The following GPHN variants were observed in gnomAD, a reference collection of about 807,000 sequenced individuals.
The protein encoded by GPHN is gephyrin.
A neutral mutation model predicts 95.5 loss-of-function variants in GPHN; 17 were observed. That is an observed-to-expected ratio of 0.18 (90% CI 0.12 to 0.27). GPHN has a LOEUF of 0.27. Ranked by LOEUF, GPHN falls within the 10% of genes least tolerant of loss-of-function variation. GPHN has a pLI of 1.00. For missense variants in GPHN, 660 were observed against 978.1 expected, an observed-to-expected ratio of 0.67 and a Z score of 4.34; for synonymous variants, 320 against 322.5, an observed-to-expected ratio of 0.99 and a Z score of 0.08.
chr14:67,221,033 G>T, the GPHN span, among the ~76,000 whole-genome samples: 160 of 152,202 alleles, frequency 1.1e-3, no homozygotes, highest in African/African-American at 3.6e-3. Flanking sequence ...ATAAGAATTT[G>T]GTGAAAATTA....
At chr14:66,608,882 T>C (rs1055281340) in intron 1 of GPHN, among the ~76,000 whole-genome samples, 1 of 152,172 alleles carries the variant, frequency 6.6e-6, no homozygotes, top group Admixed American at 6.5e-5. Context: ...TATTGTTACA[T>C]GTGAGATGCA....
the GPHN span, chr14:67,333,903 G>A: frequency 6.6e-6 from 1 of 152,586 alleles, no homozygotes; most frequent in Non-Finnish European, 1.5e-5. Flanking sequence ...TTATGTATGA[G>A]CACAGTATCC....
At chr14:67,192,982 ATC>A in the GPHN span, among the ~76,000 whole-genome samples, 58 of 146,062 alleles carry the variant, frequency 4.0e-4, no homozygotes, top group Non-Finnish European at 7.2e-4. Context: ...CTAGATATAG[ATC>A]TCTCTATATA....
intron 4 of GPHN, among the ~76,000 whole-genome samples, chr14:66,840,858 G>A (rs925057677): frequency 3.3e-5 from 5 of 150,856 alleles, no homozygotes; most frequent in African/African-American, 1.2e-4. Context: ...TAATCTTAAA[G>A]CTCATAGTAT....
At chr14:67,021,222 T>G (rs1050238389) in intron 9 of GPHN, among the ~76,000 whole-genome samples, 28 of 152,160 alleles carry the variant, frequency 1.8e-4, no homozygotes, top group African/African-American at 6.0e-4. Context: ...TTGATTGATT[T>G]ATACACACAC....
chr14:66,716,445 T>C (rs1428511552), intron 2 of GPHN, among the ~76,000 whole-genome samples: 1 of 127,090 alleles, frequency 7.9e-6, no homozygotes, highest in Non-Finnish European at 1.5e-5. Context: ...TCTTATCCAT[T>C]CTGCAGTTCT....
intron 1 of GPHN, among the ~76,000 whole-genome samples, chr14:66,571,458 C>A (rs991796111): frequency 6.6e-6 from 1 of 152,070 alleles, no homozygotes; most frequent in Non-Finnish European, 1.5e-5. Context: ...CTCTGTTGAT[C>A]ATGTACCTTG....
intron 8 of GPHN, among the ~76,000 whole-genome samples, chr14:66,954,049 AAAAGG>A (rs1325841444): frequency 6.6e-6 from 1 of 152,070 alleles, no homozygotes; most frequent in African/African-American, 2.4e-5. Flanking sequence ...AAAAAAAAAA[AAAAGG>A]AAGAAAGCAG....
chr14:67,710,431 T>C, the GPHN span, among the ~76,000 whole-genome samples: 1 of 152,226 alleles, frequency 6.6e-6, no homozygotes, highest in East Asian at 1.9e-4. Flanking sequence ...TAAATCCGCT[T>C]ATTGTGACTT....
intron 1 of GPHN, among the ~76,000 whole-genome samples, chr14:66,639,848 T>A (rs1361991464): frequency 6.6e-6 from 1 of 152,164 alleles, no homozygotes; most frequent in Non-Finnish European, 1.5e-5. Context: ...GATATATACA[T>A]ATGAAATTTT....
intron 4 of GPHN, among the ~76,000 whole-genome samples, chr14:66,870,670 A>G: frequency 6.6e-6 from 1 of 152,256 alleles, no homozygotes; most frequent in Non-Finnish European, 1.5e-5. Flanking sequence ...GAAAAATCAG[A>G]TGAAACTAAA....
rs187447927 is a variant in GPHN at position 66,721,938 on chromosome 14, C to T, written c.143+40753C>T. On this transcript the variant is annotated intron_variant, in intron 2 of 22. Coordinates refer to ENST00000478722, the MANE Select transcript of GPHN (RefSeq NM_020806.5). ...TGTACTCCAGCCTGGGCAGTAAGAG[C>T]GAAACTCTGTCTCAAAAAAAAAAAA... 1.4e-3 allele frequency among the ~76,000 whole-genome samples: 168 copies of T among 116,116 alleles called. No individual in the cohort carries two copies. The East Asian group carries it at 0.025, about 17-fold the overall frequency. The allele number at this position is 116,116 out of a possible 152,430, so 76.2% of individuals were successfully genotyped here. A position where few individuals can be genotyped will look rare whatever the true frequency, so the allele number is the denominator to read the frequency against.
chr14:67,293,481 C>T, the GPHN span, among the ~76,000 whole-genome samples: 1 of 152,094 alleles, frequency 6.6e-6, no homozygotes, highest in Non-Finnish European at 1.5e-5. Context: ...TCTAGAGCTA[C>T]AGAACCTATA....
intron 9 of GPHN, among the ~76,000 whole-genome samples, chr14:67,004,879 G>T (rs1213869867): frequency 6.6e-6 from 1 of 151,568 alleles, no homozygotes; most frequent in Non-Finnish European, 1.5e-5. Flanking sequence ...AGAGATAAAG[G>T]CAAGGCATGA....
chr14:67,053,687 T>A (rs2075416948), intron 10 of GPHN, among the ~76,000 whole-genome samples: 1 of 152,176 alleles, frequency 6.6e-6, no homozygotes, highest in Admixed American at 6.5e-5. Context: ...CCAATATCCC[T>A]GATGATCATT....
At chr14:67,395,541 G>A in the GPHN span, 1 of 1,614,176 alleles carries the variant, frequency 6.2e-7, no homozygotes, top group Middle Eastern at 1.6e-4. Flanking sequence ...CAGGCCTCCA[G>A]GAAGTACTCC....
chr14:67,332,683 A>G, the GPHN span: 88 of 1,155,310 alleles, frequency 7.6e-5, no homozygotes, highest in African/African-American at 3.2e-4. Flanking sequence ...AAGGAAAGCT[A>G]TGAAGGTCGC....
chr14:67,653,500 TGAGAA>T, the GPHN span: 8 of 1,613,314 alleles, frequency 5.0e-6, no homozygotes, highest in Non-Finnish European at 5.9e-6. Context: ...GTTTACCAGC[TGAGAA>T]GAGAAAATAG....
chr14:66,736,435 G>C (rs1398148662), intron 2 of GPHN, among the ~76,000 whole-genome samples: 1 of 105,758 alleles, frequency 9.5e-6, no homozygotes, highest in Admixed American at 1.1e-4. Context: ...TTTTGCTCTT[G>C]TTGCCCGGGC....
Sources: gnomAD v4.1 joint callset for allele counts (sites outside exome capture counted in the v4.1 genomes callset) on GRCh38, gnomAD v4.1.1 for gene constraint, MANE v1.5 for transcripts, NCBI Gene and HGNC (gene_info 2026-07-23, HGNC 2026-07-21) for gene names.